TJAP1: variants seen among roughly 807,000 people sequenced by gnomAD.
The protein encoded by TJAP1 is tight junction associated protein 1, also known as tight junction-associated protein 1.
TJAP1 carries 27 observed loss-of-function variants against 42.0 expected under a neutral mutation model. The observed-to-expected ratio is 0.64, with a 90% CI of 0.47 to 0.89. The LOEUF is 0.89. Ranked by LOEUF, TJAP1 falls within the 40% of genes least tolerant of loss-of-function variation. The pLI is 0.00. For missense variants in TJAP1, 712 were observed against 726.9 expected, an observed-to-expected ratio of 0.98 and a Z score of 0.24; for synonymous variants, 257 against 288.4, an observed-to-expected ratio of 0.89 and a Z score of 1.10.
chr6:43,483,725 G>A (rs1006350907), intron 2 of TJAP1, among the ~76,000 whole-genome samples: 1 of 152,192 alleles, frequency 6.6e-6, no homozygotes, highest in African/African-American at 2.4e-5. Context: ...CTTTGGGCAA[G>A]TTCCTTAACC....
At chr6:43,501,369 A>G (rs1790471711) in intron 5 of TJAP1, 157 bp from the exon 6 acceptor site, 2 of 669,846 alleles carry the variant, frequency 3.0e-6, no homozygotes, top group Admixed American at 2.9e-5. Flanking sequence ...CCTATGAAAT[A>G]TGCTGCCTTA....
At chr6:43,481,792 C>T (rs796644180) in intron 2 of TJAP1, among the ~76,000 whole-genome samples, 2 of 152,194 alleles carry the variant, frequency 1.3e-5, no homozygotes, top group African/African-American at 4.8e-5. Flanking sequence ...TTTCCTTTGC[C>T]CTGTATTTAA....
chr6:43,487,989 C>G (rs1246195102), intron 2 of TJAP1, among the ~76,000 whole-genome samples: 2 of 151,922 alleles, frequency 1.3e-5, no homozygotes, highest in Non-Finnish European at 2.9e-5. Flanking sequence ...CCTGCCTCAG[C>G]CTCCCGAGTA....
At chr6:43,485,075 T>C (rs1276018498) in intron 2 of TJAP1, among the ~76,000 whole-genome samples, 1 of 152,238 alleles carries the variant, frequency 6.6e-6, no homozygotes, top group Non-Finnish European at 1.5e-5. Context: ...CGTGATATGC[T>C]GGCCTTCTCC....
chr6:43,491,081 C>G lies in TJAP1; in HGVS notation c.-121-6800C>G, dbSNP rs1311044505. 6.6e-6 allele frequency among the ~76,000 whole-genome samples: 1 copy of G among 152,164 alleles called. No homozygotes were observed. Among genetic ancestry groups the G allele is most frequent in the African/African-American group, 2.4e-5 (1 of 41,426 alleles). On this transcript the variant is annotated intron_variant, in intron 2 of 10. Coordinates refer to ENST00000372449, the Ensembl canonical transcript of TJAP1. This position sits in a 1 kb window ranked among gnomAD's most constrained non-coding sequence, Gnocchi z 4.6. ...GGGGAGCTTGAGAACAGAAGGCTGC[C>G]TAAGTGGATTCTGTTCCCCTTGGGC... is the stretch of plus-strand genomic sequence containing the variant.
At chr6:43,482,953 C>T (rs757206957) in intron 2 of TJAP1, among the ~76,000 whole-genome samples, 13 of 152,070 alleles carry the variant, frequency 8.5e-5, no homozygotes, top group Non-Finnish European at 1.0e-4. Context: ...GAAACCCTGT[C>T]TCTACTAAAA....
chr6:43,503,511 ATG>A lies in TJAP1; in HGVS notation c.495+6_495+7del, dbSNP rs762690293. On this transcript the variant is annotated splice_donor_5th_base_variant and intron_variant, in intron 9 of 10. Coordinates refer to ENST00000372449, the Ensembl canonical transcript of TJAP1. Reference sequence around the variant, plus strand: ...TCAACAAGCTGGAAGAGCTCAATGTATGTGCGCTTCACTACTCGGGCCTTCCT... The same window carrying A: ...TCAACAAGCTGGAAGAGCTCAATGTATGCGCTTCACTACTCGGGCCTTCCT... 2.5e-6 allele frequency: 4 copies of A among 1,612,932 alleles called. No individual in the cohort carries two copies. The South Asian group carries it at 3.3e-5, about 13-fold the overall frequency.
chr6:43,499,898 G>C (rs1296320834), intron 4 of TJAP1, among the ~76,000 whole-genome samples: 1 of 152,216 alleles, frequency 6.6e-6, no homozygotes, highest in Non-Finnish European at 1.5e-5. Flanking sequence ...TATTATGCTA[G>C]GTGCTACCCA....
intron 3 of TJAP1, among the ~76,000 whole-genome samples, chr6:43,498,400 A>C (rs906443826): frequency 2.6e-5 from 4 of 152,126 alleles, no homozygotes; most frequent in African/African-American, 9.7e-5. Flanking sequence ...GTGTACAAAA[A>C]ATAGCCAGGT....
chr6:43,503,504 T>C, exon 9 of TJAP1: 4 of 1,613,330 alleles, frequency 2.5e-6, no homozygotes, highest in Non-Finnish European at 3.4e-6. Flanking sequence ...CTGGAAGAGC[T>C]CAATGTATGT....
intron 8 of TJAP1, chr6:43,503,052 C>T: frequency 2.2e-6 from 1 of 452,120 alleles, no homozygotes; most frequent in Non-Finnish European, 4.0e-6. Flanking sequence ...CAGCTGCACA[C>T]ATAGGAGGCT....
At chr6:43,498,637 CTGA>C (rs1397456283) in intron 3 of TJAP1, among the ~76,000 whole-genome samples, 6 of 152,258 alleles carry the variant, frequency 3.9e-5, no homozygotes, top group Non-Finnish European at 7.3e-5. Flanking sequence ...GTTTTACCTT[CTGA>C]GGCCTTCAGA....
intron 4 of TJAP1, among the ~76,000 whole-genome samples, chr6:43,499,453 C>T (rs564335117): frequency 6.6e-5 from 10 of 152,264 alleles, no homozygotes; most frequent in African/African-American, 2.2e-4. Context: ...AGCCATTCAA[C>T]CTGTGGCCCC....
chr6:43,505,104 C>A lies in TJAP1; in HGVS notation c.923C>A (p.Pro308Gln), dbSNP rs771502238. ...TCCCCGGAGGAAGAGCTGCCCCTGCCAGCCTTTGAGAAGCTGAACCCCTAC... is the reference window on the plus strand; with the variant it reads ...TCCCCGGAGGAAGAGCTGCCCCTGCAAGCCTTTGAGAAGCTGAACCCCTAC... Residue 308 changes from proline to glutamine, a missense_variant, in exon 11 of 11, where the codon CCA becomes CAA. This residue lies in a region of TJAP1 where 549 missense variants were observed against 528.2 expected (regional missense o/e 1.04). Transcript: ENST00000372449. The surrounding 1 kb of genome is among the most constrained non-coding windows in gnomAD (Gnocchi z 5.5). The A allele has an allele frequency of 6.2e-7, 1 of 1,614,018 alleles. No homozygotes were observed. The highest frequency in any genetic ancestry group is 2.2e-5 in the East Asian group (1 of 44,892).
Position 43,505,578 on chromosome 6 carries a change from A to T in TJAP1, c.1397A>T (p.Glu466Val), listed in dbSNP as rs1309118601. 1.9e-6 allele frequency: 3 copies of T among 1,613,592 alleles called. No homozygotes were observed. The African/African-American group carries it at 4.0e-5, about 22-fold the overall frequency. ...CAGGCACCTTCTGCCCGACCCGAAG[A>T]GAGTGAGCTTTTGCTACCCACAGAA... is the stretch of plus-strand genomic sequence containing the variant. Residue 466 changes from glutamate to valine, a missense_variant, in exon 11 of 11, where the codon GAG becomes GTG. Physicochemically the swap from Glu to Val is moderately radical, Grantham distance 121. Coordinates refer to ENST00000372449, the Ensembl canonical transcript of TJAP1. The surrounding 1 kb of genome is among the most constrained non-coding windows in gnomAD (Gnocchi z 5.5).
intron 2 of TJAP1, among the ~76,000 whole-genome samples, chr6:43,485,573 A>G (rs537302893): frequency 6.6e-6 from 1 of 152,292 alleles, no homozygotes; most frequent in East Asian, 1.9e-4. Context: ...TGTCCCAGCT[A>G]GGTACCTCTC....
At chr6:43,501,758 A>ACACTCACT (rs1423256237) in intron 6 of TJAP1, 71 bp downstream of exon 6, 2 of 480,574 alleles carry the variant, frequency 4.2e-6, no homozygotes, top group South Asian at 4.5e-5. Context: ...ACACACACAC[A>ACACTCACT]CTCTCTCTGT....
At chr6:43,485,406 G>T (rs1786234662) in intron 2 of TJAP1, among the ~76,000 whole-genome samples, 1 of 152,306 alleles carries the variant, frequency 6.6e-6, no homozygotes, top group South Asian at 2.1e-4. Context: ...GTTGATGGGG[G>T]TAGTCCTTAG....
chr6:43,487,870 G>GTTTTTTTTTTTTTTTTT (rs549444658), intron 2 of TJAP1, among the ~76,000 whole-genome samples: 2 of 138,356 alleles, frequency 1.4e-5, no homozygotes, highest in African/African-American at 2.7e-5. Context: ...CCTTCTAGTA[G>GTTTTTTTTTTTTTTTTT]TTTTTTTTTT....
Sources: gnomAD v4.1 joint callset for allele counts (sites outside exome capture counted in the v4.1 genomes callset) on GRCh38, gnomAD v4.1.1 for gene constraint, gnomAD v4.1.1 regional missense constraint, Gnocchi (gnomAD v3.1) non-coding constraint, MANE v1.5 for transcripts, NCBI Gene and HGNC (gene_info 2026-07-23, HGNC 2026-07-21) for gene names.